The following FAM107B variants were observed in gnomAD, a reference collection of about 807,000 sequenced individuals.
FAM107B encodes the protein family with sequence similarity 107 member B.
A neutral mutation model predicts 31.5 loss-of-function variants in FAM107B; 21 were observed. The ratio of observed to expected loss-of-function variants is 0.67; its 90% CI spans 0.47 to 0.96. The LOEUF (loss-of-function observed/expected upper bound fraction) is 0.96, where lower values mean the gene tolerates loss of function less well. Ranked by LOEUF, FAM107B falls within the 40% of genes least tolerant of loss-of-function variation. The probability of loss-of-function intolerance (pLI) is 0.00; values close to 1 mark genes in which losing one functional copy is unlikely to be tolerated. For synonymous variants in FAM107B, 157 were observed against 141.5 expected (o/e 1.11, Z -0.78); for missense variants, 452 against 377.1 (o/e 1.20, Z -1.64).
chr10:14,757,318 G>GAA (rs71993133), intron 1 of FAM107B, among the ~76,000 whole-genome samples: 2 of 132,166 alleles, frequency 1.5e-5, no homozygotes, highest in East Asian at 2.1e-4. Context: ...TTTGCTGACT[G>GAA]AAAAAAAAAA....
intron 1 of FAM107B, among the ~76,000 whole-genome samples, chr10:14,773,827 A>G (rs1833358719): frequency 6.6e-6 from 1 of 152,196 alleles, no homozygotes; most frequent in Non-Finnish European, 1.5e-5. Context: ...TTTTAAGTAG[A>G]GGCAGTTTTG....
At chr10:14,655,398 T>C (rs997786726) in intron 2 of FAM107B, among the ~76,000 whole-genome samples, 1 of 152,254 alleles carries the variant, frequency 6.6e-6, no homozygotes, top group African/African-American at 2.4e-5. Context: ...TTCTTTTTTT[T>C]CTATCTCAGC....
chr10:14,723,153 C>A, intron 1 of FAM107B: 4 of 477,974 alleles, frequency 8.4e-6, no homozygotes, highest in South Asian at 6.2e-5. Context: ...GCTTAAGAGC[C>A]AGTACAAGAA....
intron 2 of FAM107B, among the ~76,000 whole-genome samples, chr10:14,586,708 G>T (rs1290990888): frequency 6.6e-6 from 1 of 152,152 alleles, no homozygotes; most frequent in East Asian, 1.9e-4. Flanking sequence ...AATAAATGCT[G>T]TTTAAGCCAC....
intron 1 of FAM107B, among the ~76,000 whole-genome samples, chr10:14,742,700 T>G (rs1273698135): frequency 6.6e-6 from 1 of 152,146 alleles, no homozygotes; most frequent in Admixed American, 6.6e-5. Context: ...GCTGGAGAGG[T>G]AGTAATGGCC....
At chr10:14,668,325 G>C (rs7899914) in intron 1 of FAM107B, among the ~76,000 whole-genome samples, 26,239 of 152,106 alleles carry the variant, frequency 0.17, 2,824 homozygotes, top group South Asian at 0.27. Context: ...TTCCAGGAGT[G>C]AGCCACCACA....
intron 1 of FAM107B, among the ~76,000 whole-genome samples, chr10:14,763,373 G>A (rs115068534): frequency 6.6e-6 from 1 of 152,194 alleles, no homozygotes; most frequent in Non-Finnish European, 1.5e-5. Flanking sequence ...TGTACTTGTG[G>A]CAGAATTCAC....
chr10:14,754,407 T>C (rs1436291264), intron 1 of FAM107B, among the ~76,000 whole-genome samples: 2 of 152,162 alleles, frequency 1.3e-5, no homozygotes, highest in African/African-American at 4.8e-5. Context: ...CTGACTTGAC[T>C]AATCCAAGCA....
At chr10:14,732,818 T>C (rs1404053750) in intron 1 of FAM107B, among the ~76,000 whole-genome samples, 1 of 147,184 alleles carries the variant, frequency 6.8e-6, no homozygotes, top group Non-Finnish European at 1.5e-5. Context: ...ATTATATGTA[T>C]TATAATATTA....
At chr10:14,550,070 A>G (rs1849113864) in intron 2 of FAM107B, among the ~76,000 whole-genome samples, 1 of 152,200 alleles carries the variant, frequency 6.6e-6, no homozygotes, top group Non-Finnish European at 1.5e-5. Context: ...TCTGGAGTTA[A>G]AAGAGGCCTT....
chr10:14,744,443 C>T (rs1832685259), intron 1 of FAM107B, among the ~76,000 whole-genome samples: 1 of 152,166 alleles, frequency 6.6e-6, no homozygotes, highest in Non-Finnish European at 1.5e-5. Flanking sequence ...AAGTGGAATG[C>T]TTCCAGCTTT....
intron 2 of FAM107B, among the ~76,000 whole-genome samples, chr10:14,590,951 T>G (rs1208897384): frequency 5.3e-5 from 7 of 133,208 alleles, no homozygotes; most frequent in Non-Finnish European, 9.1e-5. Context: ...ATCGTTCCAC[T>G]GCACTCCAGC....
chr10:14,677,927 G>T (rs990567888), intron 1 of FAM107B, among the ~76,000 whole-genome samples: 3 of 152,212 alleles, frequency 2.0e-5, no homozygotes, highest in African/African-American at 7.2e-5. Context: ...AATGATGGGC[G>T]GGTGTTGTTA....
chr10:14,731,189 T>A (rs1395239658), intron 1 of FAM107B, among the ~76,000 whole-genome samples: 1 of 152,104 alleles, frequency 6.6e-6, no homozygotes, highest in Non-Finnish European at 1.5e-5. Flanking sequence ...ACTAAAAAGG[T>A]GTCAGGTACT....
At chr10:14,588,454 C>T (rs1346838284) in intron 2 of FAM107B, among the ~76,000 whole-genome samples, 2 of 152,188 alleles carry the variant, frequency 1.3e-5, no homozygotes, top group East Asian at 3.9e-4. Flanking sequence ...GTACAAACCA[C>T]GCCCACGTGA....
intron 1 of FAM107B, among the ~76,000 whole-genome samples, chr10:14,735,257 T>C (rs982649775): frequency 6.6e-6 from 1 of 152,136 alleles, no homozygotes; most frequent in South Asian, 2.1e-4. Context: ...CACAAATTCA[T>C]AAACTTTCTT....
At chr10:14,692,334 G>T (rs956360188) in intron 1 of FAM107B, among the ~76,000 whole-genome samples, 1 of 152,112 alleles carries the variant, frequency 6.6e-6, no homozygotes, top group South Asian at 2.1e-4. Context: ...GGAGATTGGG[G>T]TATTCGTAGG....
intron 2 of FAM107B, among the ~76,000 whole-genome samples, chr10:14,656,782 C>A (rs1003548491): frequency 2.6e-5 from 4 of 151,710 alleles, no homozygotes; most frequent in Non-Finnish European, 5.9e-5. Context: ...ACGCAGCTTG[C>A]AGCACACACA....
chr10:14,648,016 G>A (rs142064230), intron 2 of FAM107B, among the ~76,000 whole-genome samples: 311 of 149,842 alleles, frequency 2.1e-3, no homozygotes, highest in African/African-American at 7.2e-3. Flanking sequence ...AAAAAAAGGC[G>A]ATATAAAACA....
Sources: gnomAD v4.1 joint callset for allele counts (sites outside exome capture counted in the v4.1 genomes callset) on GRCh38, gnomAD v4.1.1 for gene constraint, MANE v1.5 for transcripts, NCBI Gene and HGNC (gene_info 2026-07-23, HGNC 2026-07-21) for gene names.